Variants in TBC1D31 observed in about 807,000 individuals in gnomAD.
The protein encoded by TBC1D31 is TBC1 domain family member 31, also known as WD repeat domain 67.
Under a neutral mutation model 132.9 loss-of-function variants are expected in TBC1D31, and 99 were observed. That is an observed-to-expected ratio of 0.74 (90% CI 0.63 to 0.88). The LOEUF (loss-of-function observed/expected upper bound fraction) is 0.88, where lower values mean the gene tolerates loss of function less well. Ranked by LOEUF, TBC1D31 falls within the 40% of genes least tolerant of loss-of-function variation. The pLI is 0.00. For missense variants in TBC1D31, 1,134 were observed against 1,256.6 expected, an observed-to-expected ratio of 0.90 and a Z score of 1.48; for synonymous variants, 385 against 419.4, an observed-to-expected ratio of 0.92 and a Z score of 1.00.
In TBC1D31 at chr8:123,120,131, G is replaced by T; in HGVS notation, c.1513G>T (p.Val505Leu). ...PYLPLLAFPFVKLFQNNQLIC... is the reference protein window; with the variant it reads ...PYLPLLAFPFLKLFQNNQLIC... ...TCTTCCACTCTTGGCATTTCCATTT[G>T]TAAAATTATTCCAGAACAACCAACT... The change falls in exon 11 of 22, where the codon GTA becomes TTA. Residue 505 changes from valine (V) to leucine (L), a missense_variant. Coordinates refer to ENST00000287380, the MANE Select transcript of TBC1D31 (RefSeq NM_145647.4). 4.3e-6 allele frequency: 7 copies of T among 1,610,774 alleles called. No individual in the cohort carries two copies. The highest frequency in any genetic ancestry group is 5.9e-6 in the Non-Finnish European group (7 of 1,178,262).
chr8:123,147,346 T>A (rs1162651271), intron 20 of TBC1D31, among the ~76,000 whole-genome samples: 1 of 152,068 alleles, frequency 6.6e-6, no homozygotes, highest in Non-Finnish European at 1.5e-5. Context: ...CTAATTTTTG[T>A]ATTTTTAGTA....
chr8:123,097,281 G>C lies in TBC1D31; in HGVS notation c.672-1G>C. 6.2e-7 allele frequency: 1 copy of C among 1,613,822 alleles called. No homozygotes were observed. Among genetic ancestry groups the C allele is most frequent in the Non-Finnish European group, 8.5e-7 (1 of 1,179,928 alleles). ...TCTTTCTCACTTTTTTGTTTATATA[G>C]AGATGGCCGAATCCTGGCTGCTGGA... On this transcript the variant is annotated splice_acceptor_variant, in intron 5 of 21. Coordinates refer to ENST00000287380, the MANE Select transcript of TBC1D31 (RefSeq NM_145647.4). LOFTEE classifies it high-confidence loss of function.
At chr8:123,128,549 T>C in intron 14 of TBC1D31, 36 bp downstream of exon 14, 3 of 1,416,046 alleles carry the variant, frequency 2.1e-6, no homozygotes, top group Non-Finnish European at 3.0e-6. Context: ...TCTGATACAA[T>C]GAAATATGTT....
At chr8:123,156,137 A>T (rs561502986), downstream of TBC1D31, among the ~76,000 whole-genome samples, 98 of 152,274 alleles carry the variant, frequency 6.4e-4, no homozygotes, top group Non-Finnish European at 1.3e-3. Flanking sequence ...GTTAGTAAAA[A>T]GTTATCGCAA....
intron 1 of TBC1D31, among the ~76,000 whole-genome samples, chr8:123,073,639 A>G (rs1184488120): frequency 2.0e-5 from 3 of 152,170 alleles, no homozygotes; most frequent in Non-Finnish European, 2.9e-5. Context: ...CTAGGATTTC[A>G]CGGAAATTGC....
Position 123,084,163 on chromosome 8 carries a change from C to G in TBC1D31, c.342C>G (p.Val114=). The stretch of plus-strand genomic sequence containing the variant: ...TAACAATTTTACTTTTTACCACAGT[C>G]ACCAAGGAGCTAGTTAGCTGGATGA... The part of the protein sequence containing the change: ...ADYSIKCFDT[V]TKELVSWMRG... Residue 114 remains valine (V), a splice_region_variant and synonymous_variant, in exon 4 of 22, where the codon GTC becomes GTG. Coordinates refer to ENST00000287380, the MANE Select transcript of TBC1D31 (RefSeq NM_145647.4). The G allele has an allele frequency of 1.2e-6, 2 of 1,613,656 alleles. No individual in the cohort carries two copies. Among genetic ancestry groups the G allele is most frequent in the Non-Finnish European group, 1.7e-6 (2 of 1,179,814 alleles).
chr8:123,137,512 C>T lies in TBC1D31; in HGVS notation c.2500-3249C>T, dbSNP rs548130808. Reference sequence around the variant, plus strand: ...CCAGGCAGAAGCTTCTAGTTGTCCTCTCCCAGTGGAGTTGTACAGACAGCA... The same window carrying T: ...CCAGGCAGAAGCTTCTAGTTGTCCTTTCCCAGTGGAGTTGTACAGACAGCA... On this transcript the variant is annotated intron_variant, in intron 17 of 21. Coordinates refer to ENST00000287380, the MANE Select transcript of TBC1D31 (RefSeq NM_145647.4). Among the ~76,000 whole-genome samples the T allele has an allele frequency of 4.2e-3, 642 of 152,346 alleles. 1 individual carries two copies. Among genetic ancestry groups the T allele is most frequent in the Non-Finnish European group, 7.4e-3 (504 of 68,038 alleles).
intron 20 of TBC1D31, among the ~76,000 whole-genome samples, chr8:123,148,177 C>T (rs1822421128): frequency 6.6e-6 from 1 of 151,560 alleles, no homozygotes; most frequent in Admixed American, 6.6e-5. Flanking sequence ...TACACATGTT[C>T]AAGACCTCAC....
At chr8:123,107,544 T>C (rs981563205) in intron 8 of TBC1D31, among the ~76,000 whole-genome samples, 3 of 152,198 alleles carry the variant, frequency 2.0e-5, no homozygotes, top group Non-Finnish European at 4.4e-5. Context: ...GCAATGTTGC[T>C]CCTATTTAAT....
In TBC1D31 at chr8:123,104,501, A is replaced by G. The variant is rs192773157; in HGVS notation, c.1033-787A>G. On this transcript the variant is annotated intron_variant, in intron 7 of 21. Coordinates refer to ENST00000287380, the MANE Select transcript of TBC1D31 (RefSeq NM_145647.4). ...TCCCATAGATGAATTGAAGAATTGA[A>G]TCATAAACTGTAAATGGTCATTGTG... Among the ~76,000 whole-genome samples, 99 of 152,338 alleles carry G rather than the reference A, an allele frequency of 6.5e-4. No homozygotes were observed. In the Middle Eastern group the frequency reaches 0.02, roughly 31 times the overall value.
At chr8:123,121,657 C>T (rs1282339745) in intron 11 of TBC1D31, among the ~76,000 whole-genome samples, 1 of 152,190 alleles carries the variant, frequency 6.6e-6, no homozygotes, top group Non-Finnish European at 1.5e-5. Flanking sequence ...CTGCTCTCTT[C>T]ACTTCCTGAA....
Position 123,140,888 on chromosome 8 carries a change from A to G in TBC1D31, c.2627A>G (p.Gln876Arg). 1 of 1,613,172 alleles carries G rather than the reference A, an allele frequency of 6.2e-7. No homozygotes were observed. The highest frequency in any genetic ancestry group is 8.5e-7 in the Non-Finnish European group (1 of 1,179,794). ...KLIEAGETQS[Q>R]KTQKVIKENL... is the part of the protein sequence containing the mutation. ...ATAGAAGCAGGTGAAACCCAGAGCC[A>G]GAAAACTCAGAAGGTAAAAATATGA... is the stretch of plus-strand genomic sequence containing the variant. Residue 876 changes from glutamine to arginine, a missense_variant, in exon 18 of 22, where the codon CAG becomes CGG. Physicochemically the swap from Gln to Arg is conservative, Grantham distance 43. Transcript: ENST00000287380.
the TBC1D31 span, among the ~76,000 whole-genome samples, chr8:123,158,202 A>G: frequency 9.2e-5 from 14 of 152,086 alleles, no homozygotes; most frequent in Admixed American, 3.3e-4. Context: ...TGCCCCTATC[A>G]TAAATGGAAA....
chr8:123,123,130 G>T (rs1349499215), intron 11 of TBC1D31: 3 of 152,258 alleles, frequency 2.0e-5, no homozygotes, highest in African/African-American at 7.2e-5. Flanking sequence ...CCAAGAAGCT[G>T]AGAGGCAGAA....
At chr8:123,078,861 TATTA>T (rs1421247827) in intron 2 of TBC1D31, among the ~76,000 whole-genome samples, 1 of 152,162 alleles carries the variant, frequency 6.6e-6, no homozygotes, top group Admixed American at 6.5e-5. Context: ...ACAAAATACT[TATTA>T]ATTATAGAAG....
At chr8:123,075,303 T>TA (rs35535146) in intron 1 of TBC1D31, among the ~76,000 whole-genome samples, 1 of 152,222 alleles carries the variant, frequency 6.6e-6, no homozygotes, top group African/African-American at 2.4e-5. Context: ...TTAGTGAGTC[T>TA]AAAAAGCCTT....
chr8:123,102,135 C>T lies in TBC1D31; in HGVS notation c.1032+1128C>T. On this transcript the variant is annotated intron_variant, in intron 7 of 21. Transcript: ENST00000287380. ...TTCTCTTCTCTGGTTATCTAAAATT[C>T]CCCCAGCTAACCAGTCATATTGTCC... The T allele has an allele frequency of 1.2e-5, 5 of 416,756 alleles. 1 individual carries two copies. The highest frequency in any genetic ancestry group is 8.6e-5 in the South Asian group (5 of 58,104). 25.8% of individuals were successfully genotyped at this position (416,756 alleles called of 1,614,324 possible).
At chr8:123,101,907 G>A (rs11786727) in intron 7 of TBC1D31, among the ~76,000 whole-genome samples, 50,096 of 151,914 alleles carry the variant, frequency 0.33, 8,586 homozygotes, top group African/African-American at 0.43. Context: ...TTCTTAACTA[G>A]TGCTACTTTA....
At chr8:123,152,312 C>T (rs1233840440), downstream of TBC1D31, among the ~76,000 whole-genome samples, 1 of 152,164 alleles carries the variant, frequency 6.6e-6, no homozygotes, top group Non-Finnish European at 1.5e-5. Flanking sequence ...AGGTGGAGAG[C>T]GCCAGCAGCG....
Sources: gnomAD v4.1 joint callset for allele counts (sites outside exome capture counted in the v4.1 genomes callset) on GRCh38, gnomAD v4.1.1 for gene constraint, MANE v1.5 for transcripts, NCBI Gene and HGNC (gene_info 2026-07-23, HGNC 2026-07-21) for gene names.